The following KCNJ6 variants were observed in gnomAD, a reference collection of about 807,000 sequenced individuals.
KCNJ6 encodes the protein potassium inwardly rectifying channel subfamily J member 6.
In KCNJ6, 9 loss-of-function variants were observed where a neutral mutation model predicts 34.2. The ratio of observed to expected loss-of-function variants is 0.26; its 90% confidence interval spans 0.16 to 0.46. The LOEUF (loss-of-function observed/expected upper bound fraction) is 0.46. Ranked by LOEUF, KCNJ6 falls within the 20% of genes least tolerant of loss-of-function variation. The pLI is 1.00. For synonymous variants in KCNJ6, 196 were observed against 207.1 expected (o/e 0.95, Z 0.46); for missense variants, 236 against 531.3 (o/e 0.44, Z 5.46).
chr21:37,684,784 G>A (rs1013966356), intron 3 of KCNJ6, among the ~76,000 whole-genome samples: 6 of 152,172 alleles, frequency 3.9e-5, no homozygotes, highest in Admixed American at 2.0e-4. Context: ...CCGAGTCAGC[G>A]GGGTCAAAGA....
Position 37,618,516 on chromosome 21 carries a change from T to A in KCNJ6, c.*6643A>T, listed in dbSNP as rs765181464. ...CAGCCCTTCATATTCTTATAAAGAT[T>A]GGCTTAGTTGATATCACAGTATTGA... On this transcript the variant is annotated 3_prime_UTR_variant, in exon 4 of 4. Transcript: ENST00000609713. The A allele has an allele frequency of 1.3e-5, 2 of 152,228 alleles. No homozygotes were observed. Among genetic ancestry groups the A allele is most frequent in the African/African-American group, 2.4e-5 (1 of 41,464 alleles). 9.4% of individuals were successfully genotyped at this position (152,228 alleles called of 1,614,324 possible). A position where few individuals can be genotyped will look rare whatever the true frequency, so the allele number is the denominator to read the frequency against.
chr21:37,778,958 C>G (rs754072581), intron 2 of KCNJ6, among the ~76,000 whole-genome samples: 1 of 151,968 alleles, frequency 6.6e-6, no homozygotes, highest in East Asian at 1.9e-4. Flanking sequence ...TCGGAATGCA[C>G]GTGAACGGGC....
At chr21:37,641,696 T>C (rs2123377590) in intron 3 of KCNJ6, among the ~76,000 whole-genome samples, 1 of 48,304 alleles carries the variant, frequency 2.1e-5, no homozygotes, top group South Asian at 1.0e-3. Context: ...TAGACGAGTG[T>C]GTTTGGGGGA....
chr21:37,670,437 GC>G (rs2054536155), intron 3 of KCNJ6, among the ~76,000 whole-genome samples: 1 of 152,134 alleles, frequency 6.6e-6, no homozygotes, highest in Non-Finnish European at 1.5e-5. Context: ...CATTAAATCT[GC>G]AGATCACTTT....
chr21:37,716,938 C>T (rs2054794738), intron 2 of KCNJ6, among the ~76,000 whole-genome samples: 1 of 133,512 alleles, frequency 7.5e-6, no homozygotes, highest in South Asian at 2.3e-4. Flanking sequence ...CCTTTATGGA[C>T]ACTCTGTTTT....
At chr21:37,774,510 CCCA>C (rs1450224343) in intron 2 of KCNJ6, among the ~76,000 whole-genome samples, 1 of 151,740 alleles carries the variant, frequency 6.6e-6, no homozygotes, top group Non-Finnish European at 1.5e-5. Flanking sequence ...CTCCCCCTAC[CCCA>C]CAACAGGCTC....
intron 2 of KCNJ6, 61 bp downstream of exon 2, chr21:37,840,597 G>T: frequency 2.6e-6 from 3 of 1,156,264 alleles, no homozygotes; most frequent in South Asian, 1.3e-5. Flanking sequence ...TGTCTTTTTT[G>T]TGCGATTTTG....
intron 1 of KCNJ6, among the ~76,000 whole-genome samples, chr21:37,881,263 T>C (rs2055706472): frequency 6.6e-6 from 1 of 152,162 alleles, no homozygotes; most frequent in South Asian, 2.1e-4. Flanking sequence ...ATATATTTAG[T>C]CTGTGTCTTA....
chr21:37,674,423 C>T (rs1412021584), intron 3 of KCNJ6, among the ~76,000 whole-genome samples: 1 of 152,086 alleles, frequency 6.6e-6, no homozygotes, highest in Non-Finnish European at 1.5e-5. Flanking sequence ...CTCCAGGGCT[C>T]CCCTCTCAGA....
chr21:37,708,775 T>A (rs1231215085), intron 3 of KCNJ6, among the ~76,000 whole-genome samples: 1 of 152,156 alleles, frequency 6.6e-6, no homozygotes, highest in Non-Finnish European at 1.5e-5. Flanking sequence ...GGATCAGCAG[T>A]AAATTATCAA....
At chr21:37,880,325 A>C (rs950689899) in intron 1 of KCNJ6, among the ~76,000 whole-genome samples, 1 of 152,218 alleles carries the variant, frequency 6.6e-6, no homozygotes, top group Non-Finnish European at 1.5e-5. Context: ...TGTCAAGCAC[A>C]TTGTACACCA....
At position 37,666,333 on chromosome 21, in the gene KCNJ6, C is replaced by T. The variant is rs571846940; in HGVS notation, c.947-40849G>A. Among the ~76,000 whole-genome samples the T allele has an allele frequency of 5.3e-5, 8 of 152,236 alleles. No homozygotes were observed. In the South Asian group the frequency reaches 1.5e-3, roughly 28 times the overall value. ...TGACCTGAGGCTGAGCTGACTCTCA[C>T]GGTTTGGACTGGGTGACTTGGCTCA... On this transcript the variant is annotated intron_variant, in intron 3 of 3. Transcript: ENST00000609713.
intron 3 of KCNJ6, among the ~76,000 whole-genome samples, chr21:37,639,280 C>A (rs1462480753): frequency 6.6e-6 from 1 of 152,210 alleles, no homozygotes; most frequent in African/African-American, 2.4e-5. Flanking sequence ...CAATAAATAG[C>A]CTTTTGTTAA....
Position 37,612,662 on chromosome 21 carries a change from C to T in KCNJ6, c.*12497G>A, listed in dbSNP as rs9974136. On this transcript the variant is annotated 3_prime_UTR_variant, in exon 4 of 4. Coordinates refer to ENST00000609713, the MANE Select transcript of KCNJ6 (RefSeq NM_002240.5). Reference sequence around the variant, plus strand: ...GCAAAGGAGCACAGGCAAAACAGTGCGGCAAAGAGGGTCTTTTCAACAAAC... The same window carrying T: ...GCAAAGGAGCACAGGCAAAACAGTGTGGCAAAGAGGGTCTTTTCAACAAAC... 62,897 of 148,134 alleles carry T rather than the reference C, an allele frequency of 0.42. 13,468 individuals are homozygous for T. The highest frequency in any genetic ancestry group is 0.64 in the East Asian group (3,233 of 5,036). 9.2% of individuals were successfully genotyped at this position (148,134 alleles called of 1,614,324 possible). A position where few individuals can be genotyped will look rare whatever the true frequency, so the allele number is the denominator to read the frequency against.
At chr21:37,823,782 A>G (rs908078964) in intron 2 of KCNJ6, among the ~76,000 whole-genome samples, 3 of 152,146 alleles carry the variant, frequency 2.0e-5, no homozygotes, top group Non-Finnish European at 2.9e-5. Flanking sequence ...GGACTAATAC[A>G]CCATAGAAGC....
At chr21:37,746,582 G>T (rs1169530421) in intron 2 of KCNJ6, among the ~76,000 whole-genome samples, 2 of 152,166 alleles carry the variant, frequency 1.3e-5, no homozygotes, top group Admixed American at 1.3e-4. Context: ...TGCCTAGGGT[G>T]TTTGACCTCT....
At chr21:37,870,588 A>ATTT (rs754356092) in intron 1 of KCNJ6, among the ~76,000 whole-genome samples, 7 of 150,688 alleles carry the variant, frequency 4.6e-5, no homozygotes, top group Non-Finnish European at 5.9e-5. Flanking sequence ...ACAATTCAAA[A>ATTT]TTTTGTTTTT....
At chr21:37,736,099 T>C (rs1263860836) in intron 2 of KCNJ6, among the ~76,000 whole-genome samples, 1 of 152,158 alleles carries the variant, frequency 6.6e-6, no homozygotes. Flanking sequence ...GAAACGTACA[T>C]ACCTGATGGC....
chr21:37,857,342 G>C (rs568057307), intron 1 of KCNJ6, among the ~76,000 whole-genome samples: 149 of 152,294 alleles, frequency 9.8e-4, no homozygotes, highest in African/African-American at 3.3e-3. Flanking sequence ...TCTTCATCCT[G>C]GGGGCATAGT....
Sources: gnomAD v4.1 joint callset for allele counts (sites outside exome capture counted in the v4.1 genomes callset) on GRCh38, gnomAD v4.1.1 for gene constraint, MANE v1.5 for transcripts, NCBI Gene and HGNC (gene_info 2026-07-23, HGNC 2026-07-21) for gene names.